DIS3L2: variants seen among roughly 807,000 people sequenced by gnomAD.
DIS3L2 encodes DIS3-like exonuclease 2.
DIS3L2 carries 34 observed loss-of-function variants against 97.5 expected under a neutral mutation model. The ratio of observed to expected loss-of-function variants is 0.35; its 90% CI spans 0.27 to 0.46. The LOEUF (loss-of-function observed/expected upper bound fraction) is 0.46. Ranked by LOEUF, DIS3L2 falls within the 20% of genes least tolerant of loss-of-function variation. The pLI is 1.00. For missense variants in DIS3L2, 1,038 were observed against 1,146.0 expected, an observed-to-expected ratio of 0.91 and a Z score of 1.36; for synonymous variants, 435 against 445.2, an observed-to-expected ratio of 0.98 and a Z score of 0.29.
intron 14 of DIS3L2, among the ~76,000 whole-genome samples, chr2:232,313,072 T>A (rs1332404710): frequency 6.6e-6 from 1 of 152,218 alleles, no homozygotes; most frequent in African/African-American, 2.4e-5. Context: ...CTTTTTCCTT[T>A]CCAATTCTCA....
At chr2:232,216,565 C>T (rs1692340559) in intron 10 of DIS3L2, among the ~76,000 whole-genome samples, 1 of 152,134 alleles carries the variant, frequency 6.6e-6, no homozygotes, top group Non-Finnish European at 1.5e-5. Context: ...GATTCCACCC[C>T]TCTCACCTAG....
At chr2:232,076,335 A>G (rs1574855283) in intron 5 of DIS3L2, among the ~76,000 whole-genome samples, 1 of 152,084 alleles carries the variant, frequency 6.6e-6, no homozygotes, top group African/African-American at 2.4e-5. Context: ...AGTCCAGTGG[A>G]TCTGCTTTCT....
chr2:232,166,035 C>G (rs1001274337), intron 9 of DIS3L2, among the ~76,000 whole-genome samples: 13 of 150,694 alleles, frequency 8.6e-5, no homozygotes, highest in Admixed American at 2.0e-4. Flanking sequence ...TGGTTTAGAC[C>G]ATAGAATAAG....
At chr2:232,318,159 T>G (rs1695329614) in intron 14 of DIS3L2, among the ~76,000 whole-genome samples, 1 of 149,934 alleles carries the variant, frequency 6.7e-6, no homozygotes, top group South Asian at 2.1e-4. Context: ...CCAGTAGTGG[T>G]CGGGGTGCCC....
At chr2:231,967,352 TGAG>T (rs1371371210) in intron 1 of DIS3L2, among the ~76,000 whole-genome samples, 1 of 152,180 alleles carries the variant, frequency 6.6e-6, no homozygotes, top group Non-Finnish European at 1.5e-5. Flanking sequence ...TAGGCTTTGG[TGAG>T]GAGAAGTTTG....
chr2:232,160,142 G>A (rs1690608761), intron 8 of DIS3L2, among the ~76,000 whole-genome samples: 1 of 152,154 alleles, frequency 6.6e-6, no homozygotes. Context: ...TAGTTGGAAA[G>A]TATGCCATCT....
chr2:232,252,896 G>A (rs1353449103), intron 12 of DIS3L2, among the ~76,000 whole-genome samples: 2 of 152,134 alleles, frequency 1.3e-5, no homozygotes, highest in Non-Finnish European at 1.5e-5. Context: ...TGAGGCAAGA[G>A]GATTGCACAG....
intron 11 of DIS3L2, among the ~76,000 whole-genome samples, chr2:232,246,785 A>G (rs1435114414): frequency 7.7e-6 from 1 of 129,828 alleles, no homozygotes; most frequent in Non-Finnish European, 1.7e-5. Context: ...AAATTCCAAC[A>G]TATAGAAACA....
intron 1 of DIS3L2, among the ~76,000 whole-genome samples, chr2:232,002,861 C>T (rs772733488): frequency 6.6e-6 from 1 of 152,072 alleles, no homozygotes; most frequent in Non-Finnish European, 1.5e-5. Context: ...GTGTGTGTAA[C>T]TCTTATTTTT....
At chr2:232,193,607 G>A (rs1297427621) in intron 9 of DIS3L2, among the ~76,000 whole-genome samples, 1 of 152,088 alleles carries the variant, frequency 6.6e-6, no homozygotes, top group African/African-American at 2.4e-5. Flanking sequence ...GCTTCCTCTT[G>A]CCTCTTTTAT....
At chr2:232,329,785 T>TGCCGGGGGGGGGCCCCCC in intron 14 of DIS3L2, 28 bp from the exon 15 acceptor site, 6 of 967,134 alleles carry the variant, frequency 6.2e-6, no homozygotes, top group Non-Finnish European at 8.7e-6. Context: ...ACCCCAGCGG[T>TGCCGGGGGGGGGCCCCCC]CCCTCCCATC....
At chr2:232,078,203 C>G (rs887163094) in intron 5 of DIS3L2, among the ~76,000 whole-genome samples, 2 of 151,962 alleles carry the variant, frequency 1.3e-5, no homozygotes, top group African/African-American at 4.8e-5. Context: ...GCCACTACAT[C>G]TGGCTAATTT....
chr2:231,966,142 G>C (rs536098364), intron 1 of DIS3L2, among the ~76,000 whole-genome samples: 45 of 151,536 alleles, frequency 3.0e-4, no homozygotes, highest in African/African-American at 9.0e-4. Context: ...TCAGGGAGTG[G>C]AGACTTGACC....
chr2:232,216,505 G>A (rs907402123), intron 10 of DIS3L2, among the ~76,000 whole-genome samples: 15 of 152,022 alleles, frequency 9.9e-5, no homozygotes, highest in African/African-American at 3.1e-4. Flanking sequence ...CTCCCTTTCA[G>A]GTTTGATTGG....
chr2:232,057,363 G>C (rs942260555), intron 5 of DIS3L2, among the ~76,000 whole-genome samples: 1 of 152,054 alleles, frequency 6.6e-6, no homozygotes, highest in East Asian at 1.9e-4. Flanking sequence ...ATATGGTGGG[G>C]TATCCTTCCT....
intron 6 of DIS3L2, among the ~76,000 whole-genome samples, chr2:232,109,095 C>A (rs976505161): frequency 1.3e-5 from 2 of 152,118 alleles, no homozygotes; most frequent in African/African-American, 4.8e-5. Context: ...GCCTGAATAG[C>A]CAAGGCGATC....
chr2:232,088,423 G>A (rs1054032517), intron 6 of DIS3L2, among the ~76,000 whole-genome samples: 1 of 150,312 alleles, frequency 6.7e-6, no homozygotes, highest in South Asian at 2.1e-4. Context: ...ATAGCCGGGA[G>A]TTGTGGCGGG....
intron 14 of DIS3L2, among the ~76,000 whole-genome samples, chr2:232,301,896 C>T (rs1474804820): frequency 4.8e-5 from 6 of 125,932 alleles, no homozygotes; most frequent in African/African-American, 1.9e-4. Flanking sequence ...CTAGGCTGGT[C>T]TTGAACTCCT....
chr2:232,208,261 TCTC>T (rs1435513151), intron 9 of DIS3L2, among the ~76,000 whole-genome samples: 4 of 151,916 alleles, frequency 2.6e-5, no homozygotes, highest in Non-Finnish European at 4.4e-5. Context: ...GTTCCGTTCC[TCTC>T]CTCTTCTTCT....
Sources: allele counts gnomAD v4.1 joint callset (sites outside exome capture counted in the v4.1 genomes callset), GRCh38; gene constraint gnomAD v4.1.1; transcripts MANE v1.5; gene names NCBI Gene and HGNC (gene_info 2026-07-23, HGNC 2026-07-21).